RSL1D1: variants seen among roughly 807,000 people sequenced by gnomAD.
RSL1D1 encodes the protein ribosomal L1 domain containing 1.
RSL1D1 carries 34 observed loss-of-function variants against 44.6 expected under a neutral mutation model. The observed-to-expected ratio is 0.76, with a 90% CI of 0.58 to 1.02. The LOEUF (loss-of-function observed/expected upper bound fraction) is 1.02. Ranked by LOEUF, RSL1D1 falls within the 50% of genes least tolerant of loss-of-function variation. The pLI is 0.00. For synonymous variants in RSL1D1, 271 were observed against 207.4 expected (o/e 1.31, Z -2.63); for missense variants, 767 against 568.1 (o/e 1.35, Z -3.56).
At chr16:11,851,373 C>G in intron 1 of RSL1D1, 35 bp downstream of exon 1, 1 of 1,598,228 alleles carries the variant, frequency 6.3e-7, no homozygotes, top group Non-Finnish European at 8.6e-7. Flanking sequence ...AACCGCCACA[C>G]TGCTTCCAAG....
rs536209962 is a variant in RSL1D1, at chr16:11,845,914, T to TG, written c.635+586dup. Reference sequence around the variant, plus strand: ...TGTTCTTGATTTTTCTGTAATTGGCTGGGGGAGAGGGTCTCATTATGTTGC... The same window carrying TG: ...TGTTCTTGATTTTTCTGTAATTGGCTGGGGGGAGAGGGTCTCATTATGTTGC... On this transcript the variant is annotated intron_variant, in intron 5 of 8. Coordinates refer to ENST00000571133, the MANE Select transcript of RSL1D1 (RefSeq NM_015659.3). Among the ~76,000 whole-genome samples the TG allele has an allele frequency of 3.9e-4, 59 of 151,686 alleles. 1 individual carries two copies. The South Asian group carries it at 9.8e-3, about 25-fold the overall frequency.
intron 8 of RSL1D1, among the ~76,000 whole-genome samples, 163 bp downstream of exon 8, chr16:11,839,526 TAAAAAA>T (rs55657359): frequency 8.2e-5 from 10 of 121,422 alleles, no homozygotes; most frequent in African/African-American, 3.2e-4. Flanking sequence ...AGATCCCATC[TAAAAAA>T]AAAAAAAAAA....
chr16:11,851,333 C>G, intron 1 of RSL1D1, 75 bp downstream of exon 1: 1 of 1,397,664 alleles, frequency 7.2e-7, no homozygotes, highest in Non-Finnish European at 1.0e-6. Flanking sequence ...AGCACGCACT[C>G]GGGTTCCGGC....
Position 11,835,543 on chromosome 16 carries a change from G to C in RSL1D1, c.*2244C>G, listed in dbSNP as rs1426325107. 6.6e-6 allele frequency: 1 copy of C among 152,222 alleles called. No homozygotes were observed. The highest frequency in any genetic ancestry group is 1.5e-5 in the Non-Finnish European group (1 of 68,134). The allele number at this position is 152,222 out of a possible 1,614,324, so 9.4% of individuals were successfully genotyped here. A position where few individuals can be genotyped will look rare whatever the true frequency, so the allele number is the denominator to read the frequency against. Reference sequence around the variant, plus strand: ...CTGTCTCTCTCTGTTGCCCAGGCTGGAGTGCAGGATCGTGATCATGGCCCA... The same window carrying C: ...CTGTCTCTCTCTGTTGCCCAGGCTGCAGTGCAGGATCGTGATCATGGCCCA... On this transcript the variant is annotated 3_prime_UTR_variant, in exon 9 of 9. Transcript: ENST00000571133.
chr16:11,849,604 T>C (rs938559496), intron 2 of RSL1D1, among the ~76,000 whole-genome samples: 2 of 152,210 alleles, frequency 1.3e-5, no homozygotes, highest in African/African-American at 2.4e-5. Flanking sequence ...CAGTTTTTAA[T>C]AGTCTCTGTA....
chr16:11,842,673 C>T (rs1203288386), intron 5 of RSL1D1, among the ~76,000 whole-genome samples: 1 of 151,860 alleles, frequency 6.6e-6, no homozygotes, highest in African/African-American at 2.4e-5. Context: ...CACACCCAGC[C>T]TAAATATGTT....
rs372830210 is a variant in RSL1D1, at chr16:11,837,714, C to T, written c.*73G>A. On this transcript the variant is annotated 3_prime_UTR_variant, in exon 9 of 9. Transcript: ENST00000571133. ...TGACGTTTAGAGAAGGTTACAAAGG[C>T]GGCCAGGATCTGAGTATTTCCAAAA... 84 of 1,322,208 alleles carry T rather than the reference C, an allele frequency of 6.4e-5. No individual in the cohort carries two copies. In the East Asian group the frequency reaches 9.5e-4, roughly 15 times the overall value. 81.9% of individuals were successfully genotyped at this position (1,322,208 alleles called of 1,614,324 possible). A position where few individuals can be genotyped will look rare whatever the true frequency, so the allele number is the denominator to read the frequency against.
Position 11,839,702 on chromosome 16 carries a change from T to C in RSL1D1, c.1139A>G (p.Lys380Arg). The part of the protein sequence containing the change: ...PIGKKTPANE[K>R]VEIQKHATGK... ...TAAATATTAAAACAATACCTCTACT[T>C]TTTCATTAGCTGGAGTCTTCTTTCC... is the stretch of plus-strand genomic sequence containing the variant. The change falls in exon 8 of 9, where the codon AAA (lysine) becomes AGA (arginine). Residue 380 changes from lysine to arginine, a missense_variant. Physicochemically the swap from Lys to Arg is conservative, Grantham distance 26. Coordinates refer to ENST00000571133, the MANE Select transcript of RSL1D1 (RefSeq NM_015659.3). The C allele has an allele frequency of 6.2e-7, 1 of 1,613,662 alleles. No individual in the cohort carries two copies.
Position 11,850,337 on chromosome 16 carries a change from T to G in RSL1D1, c.187A>C (p.Ser63Arg). The G allele has an allele frequency of 1.2e-6, 2 of 1,600,948 alleles. No homozygotes were observed. Among genetic ancestry groups the G allele is most frequent in the Non-Finnish European group, 1.7e-6 (2 of 1,177,022 alleles). The change falls in exon 2 of 9, where the codon AGT becomes CGT. Residue 63 changes from serine (S) to arginine (R), a missense_variant. Coordinates refer to ENST00000571133, the MANE Select transcript of RSL1D1 (RefSeq NM_015659.3). ...CATAATACCACCATTAAAAATAAAC[T>G]TTCATTCTCATTCAAAAGCAACCCA... ...NYGLLLNENESLFLMVVLWKI... is the reference protein window; with the variant it reads ...NYGLLLNENERLFLMVVLWKI...
intron 7 of RSL1D1, 74 bp from the exon 8 acceptor site, chr16:11,840,059 G>C (rs1337327785): frequency 1.9e-6 from 3 of 1,547,962 alleles, no homozygotes; most frequent in Non-Finnish European, 2.6e-6. Context: ...GATGTACCAC[G>C]TGCAGTTTTG....
Position 11,848,076 on chromosome 16 carries a change from A to C in RSL1D1, c.246-270T>G, listed in dbSNP as rs528473356. On this transcript the variant is annotated intron_variant, in intron 2 of 8. Coordinates refer to ENST00000571133, the MANE Select transcript of RSL1D1 (RefSeq NM_015659.3). ...AGACCAGCCTGGCCAACATGGTGAA[A>C]CCCTGTTTCTACTAAAATTATAAAA... Among the ~76,000 whole-genome samples the C allele has an allele frequency of 2.6e-5, 4 of 152,214 alleles. No homozygotes were observed. In the South Asian group the frequency reaches 8.3e-4, roughly 32 times the overall value.
Position 11,839,405 on chromosome 16 carries a change from G to A in RSL1D1, c.1146+290C>T, listed in dbSNP as rs111822378. On this transcript the variant is annotated intron_variant, in intron 8 of 8. Coordinates refer to ENST00000571133, the MANE Select transcript of RSL1D1 (RefSeq NM_015659.3). ...GCAAAAAAAAAAAAAAAAGCCAACC[G>A]GTTGGGACTAGGTGTGGTGGCTCAC... is the stretch of plus-strand genomic sequence containing the variant. Among the ~76,000 whole-genome samples, 435 of 147,668 alleles carry A rather than the reference G, an allele frequency of 2.9e-3. 5 individuals are homozygous for A. The highest frequency in any genetic ancestry group is 0.01 in the African/African-American group (412 of 40,190).
At chr16:11,842,667 C>A (rs1265140167) in intron 5 of RSL1D1, among the ~76,000 whole-genome samples, 3 of 152,094 alleles carry the variant, frequency 2.0e-5, no homozygotes, top group Non-Finnish European at 4.4e-5. Context: ...AGTCACCACA[C>A]CCAGCCTAAA....
rs2053752567 is a variant in RSL1D1 at position 11,839,902 on chromosome 16, T to C, written c.939A>G (p.Ala313=). Residue 313 remains alanine (A), a synonymous_variant, in exon 8 of 9, where the codon GCA becomes GCG. Coordinates refer to ENST00000571133, the MANE Select transcript of RSL1D1 (RefSeq NM_015659.3). ...CCACATCATCTTTACTAAGAACTGATGCAGTCTTCCTAGCCTGCTGCCTCT... is the reference window on the plus strand; with the variant it reads ...CCACATCATCTTTACTAAGAACTGACGCAGTCTTCCTAGCCTGCTGCCTCT... ...KKKRQQARKT[A]SVLSKDDVAP... 1.2e-6 allele frequency: 2 copies of C among 1,614,186 alleles called. No homozygotes were observed. The highest frequency in any genetic ancestry group is 1.6e-4 in the Middle Eastern group (1 of 6,062).
At chr16:11,841,845 C>T (rs1221934495) in intron 6 of RSL1D1, 25 bp from the exon 7 acceptor site, 5 of 1,612,696 alleles carry the variant, frequency 3.1e-6, no homozygotes, top group East Asian at 2.2e-5. Context: ...AGAGTAACAT[C>T]GTCTACATAT....
chr16:11,847,935 A>C lies in RSL1D1; in HGVS notation c.246-129T>G. The C allele has an allele frequency of 4.4e-6, 4 of 911,484 alleles. No individual in the cohort carries two copies. The South Asian group carries it at 5.9e-5, about 14-fold the overall frequency. The allele number at this position is 911,484 out of a possible 1,614,324, so 56.5% of individuals were successfully genotyped here. On this transcript the variant is annotated intron_variant, in intron 2 of 8. Transcript: ENST00000571133. ...TTTAGTCATGCTAGTTAAGCAAATA[A>C]TGCACCAAGAACAACACTTAAAAAT... is the stretch of plus-strand genomic sequence containing the variant.
At chr16:11,847,839 C>A (rs774001254) in intron 2 of RSL1D1, 33 bp from the exon 3 acceptor site, 5 of 1,599,766 alleles carry the variant, frequency 3.1e-6, no homozygotes, top group East Asian at 2.2e-5. Flanking sequence ...CCGAGGAAAG[C>A]ATTATTACAC....
At chr16:11,851,138 A>G in intron 1 of RSL1D1, 1 of 517,078 alleles carries the variant, frequency 1.9e-6, no homozygotes, top group South Asian at 2.0e-5. Flanking sequence ...CGCTAATGAT[A>G]GGGAAGCTAA....
Position 11,847,560 on chromosome 16 carries a change from G to A in RSL1D1, c.384+108C>T, listed in dbSNP as rs908734016. 6.1e-6 allele frequency: 6 copies of A among 976,346 alleles called. No individual in the cohort carries two copies. In the Admixed American group the frequency reaches 1.2e-4, roughly 19 times the overall value. 60.5% of individuals were successfully genotyped at this position (976,346 alleles called of 1,614,324 possible). ...ACGCCACCACAAATTAAATTAAAAA[G>A]AGAAAAGTAGAAGAAAAATACTAGG... is the stretch of plus-strand genomic sequence containing the variant. On this transcript the variant is annotated intron_variant, in intron 3 of 8. Coordinates refer to ENST00000571133, the MANE Select transcript of RSL1D1 (RefSeq NM_015659.3).
Sources: gnomAD v4.1 joint callset for allele counts (sites outside exome capture counted in the v4.1 genomes callset) on GRCh38, gnomAD v4.1.1 for gene constraint, MANE v1.5 for transcripts, NCBI Gene and HGNC (gene_info 2026-07-23, HGNC 2026-07-21) for gene names.